The following EGF variants were observed in gnomAD, a reference collection of about 807,000 sequenced individuals.
EGF encodes pro-epidermal growth factor.
Under a neutral mutation model 143.8 loss-of-function variants are expected in EGF, and 95 were observed. That is an observed-to-expected ratio of 0.66 (90% CI 0.56 to 0.78). EGF has a LOEUF of 0.78. Ranked by LOEUF, EGF falls within the 30% of genes least tolerant of loss-of-function variation. The pLI, the probability that EGF is intolerant of heterozygous loss-of-function variation, is 0.00. For synonymous variants in EGF, 510 were observed against 510.5 expected (o/e 1.00, Z 0.01); for missense variants, 1,320 against 1,470.9 (o/e 0.90, Z 1.68).
chr4:109,957,065 A>AT (rs1166488012), intron 5 of EGF, among the ~76,000 whole-genome samples: 1 of 152,118 alleles, frequency 6.6e-6, no homozygotes, highest in Non-Finnish European at 1.5e-5. Context: ...GGTTATCTCA[A>AT]TGTACACTAG....
rs144899021 is a variant in EGF, at chr4:109,990,932, T to C, written c.2734+2223T>C. 1.7e-4 allele frequency among the ~76,000 whole-genome samples: 26 copies of C among 152,338 alleles called. No homozygotes were observed. The East Asian group carries it at 4.6e-3, about 27-fold the overall frequency. ...CTTACTTTCCTCTTGGTAGATGCTT[T>C]CTTCAAATACAGTCACTTTGGGAGT... is the stretch of plus-strand genomic sequence containing the variant. On this transcript the variant is annotated intron_variant, in intron 18 of 23. Coordinates refer to ENST00000265171, the MANE Select transcript of EGF (RefSeq NM_001963.6).
chr4:109,990,050 C>T (rs941279688), intron 18 of EGF, among the ~76,000 whole-genome samples: 1 of 152,146 alleles, frequency 6.6e-6, no homozygotes, highest in African/African-American at 2.4e-5. Flanking sequence ...CTTGGTCAAG[C>T]ATACTTCTTT....
At chr4:109,959,721 A>G (rs1745387412) in intron 6 of EGF, among the ~76,000 whole-genome samples, 1 of 152,202 alleles carries the variant, frequency 6.6e-6, no homozygotes, top group Non-Finnish European at 1.5e-5. Context: ...GGGATTCTCT[A>G]AGTGGATTCT....
intron 10 of EGF, among the ~76,000 whole-genome samples, chr4:109,964,880 TA>T (rs1371040733): frequency 6.6e-6 from 1 of 152,160 alleles, no homozygotes; most frequent in African/African-American, 2.4e-5. Flanking sequence ...GGTTTTTTAT[TA>T]CTTGCTGGTA....
At chr4:109,970,752 A>G (rs201966738) in intron 11 of EGF, among the ~76,000 whole-genome samples, 31 of 148,680 alleles carry the variant, frequency 2.1e-4, no homozygotes, top group Admixed American at 4.8e-4. Context: ...GTGAACCTGG[A>G]AGGCGGAGCT....
intron 8 of EGF, among the ~76,000 whole-genome samples, chr4:109,962,209 C>T (rs1745818617): frequency 6.6e-6 from 1 of 152,148 alleles, no homozygotes; most frequent in Non-Finnish European, 1.5e-5. Context: ...TGAGCAAGGG[C>T]TTTGAGGCTT....
intron 18 of EGF, 70 bp downstream of exon 18, chr4:109,988,779 A>C (rs749334600): frequency 8.7e-5 from 139 of 1,606,128 alleles, no homozygotes; most frequent in Non-Finnish European, 1.1e-4. Flanking sequence ...ATGTGGGTGC[A>C]TGAGCAGAGG....
chr4:109,935,027 A>G (rs1171256658), intron 1 of EGF, among the ~76,000 whole-genome samples: 1 of 151,790 alleles, frequency 6.6e-6, no homozygotes, highest in Non-Finnish European at 1.5e-5. Context: ...TTTGCTTAGG[A>G]TTTTCTTGGG....
chr4:109,948,555 C>G (rs980465138), intron 5 of EGF, among the ~76,000 whole-genome samples: 2 of 152,034 alleles, frequency 1.3e-5, no homozygotes, highest in Admixed American at 6.6e-5. Context: ...GCGATCTCGG[C>G]TCACTGCAAC....
intron 1 of EGF, among the ~76,000 whole-genome samples, chr4:109,935,789 T>C (rs1740672375): frequency 6.6e-6 from 1 of 152,216 alleles, no homozygotes; most frequent in Non-Finnish European, 1.5e-5. Flanking sequence ...GTTTTCTGCA[T>C]CTATTGAGAT....
chr4:109,959,920 A>G (rs1745414450), intron 6 of EGF, among the ~76,000 whole-genome samples: 1 of 152,230 alleles, frequency 6.6e-6, no homozygotes, highest in Non-Finnish European at 1.5e-5. Context: ...ATTCTGGACC[A>G]AGTGCAACGA....
At chr4:109,987,420 A>G (rs1256580171) in intron 16 of EGF, among the ~76,000 whole-genome samples, 1 of 151,924 alleles carries the variant, frequency 6.6e-6, no homozygotes. Context: ...CAGCCCCCCA[A>G]GTAGCTGGGA....
At chr4:109,944,115 T>C (rs10470911) in intron 4 of EGF, 46 bp downstream of exon 4, 32 of 1,559,736 alleles carry the variant, frequency 2.1e-5, no homozygotes, top group Non-Finnish European at 2.1e-5. Context: ...TCATTTGAAG[T>C]CCACAAGATA....
At chr4:109,997,302 G>C (rs556662196) in intron 20 of EGF, among the ~76,000 whole-genome samples, 2 of 152,196 alleles carry the variant, frequency 1.3e-5, no homozygotes, top group African/African-American at 4.8e-5. Flanking sequence ...AGTATAGGGA[G>C]GTTCAGAATC....
At chr4:109,925,361 G>T (rs2298981) in intron 1 of EGF, among the ~76,000 whole-genome samples, 1 of 152,066 alleles carries the variant, frequency 6.6e-6, no homozygotes, top group African/African-American at 2.4e-5. Context: ...ATATCACAGC[G>T]TATGGTTGTT....
At chr4:109,924,744 T>C (rs549389737) in intron 1 of EGF, among the ~76,000 whole-genome samples, 1 of 152,294 alleles carries the variant, frequency 6.6e-6, no homozygotes, top group South Asian at 2.1e-4. Flanking sequence ...GAAAGGGCAG[T>C]CTTGACACCT....
chr4:109,920,330 A>G (rs1417781175), intron 1 of EGF, among the ~76,000 whole-genome samples: 1 of 151,746 alleles, frequency 6.6e-6, no homozygotes, highest in Non-Finnish European at 1.5e-5. Context: ...CAAAACAATT[A>G]AAGACTCAAT....
chr4:109,993,559 A>G (rs1271261265), intron 19 of EGF, among the ~76,000 whole-genome samples, 190 bp downstream of exon 19: 1 of 152,120 alleles, frequency 6.6e-6, no homozygotes, highest in Non-Finnish European at 1.5e-5. Flanking sequence ...ATTTAATAGC[A>G]TCTGGAATAA....
rs1471826332 is a variant in EGF at position 110,008,307 on chromosome 4, T to G, written c.3370+77T>G. 3 of 1,516,568 alleles carry G rather than the reference T, an allele frequency of 2.0e-6. No homozygotes were observed. In the African/African-American group the frequency reaches 4.1e-5, roughly 21 times the overall value. The allele number at this position is 1,516,568 out of a possible 1,614,324, so 93.9% of individuals were successfully genotyped here. On this transcript the variant is annotated intron_variant, in intron 23 of 23. Transcript: ENST00000265171. The stretch of plus-strand genomic sequence containing the variant: ...GACTGTTTTTCAATGAAAAGTCTCA[T>G]TTAACCACACACACACACACAAACA...
Sources: gnomAD v4.1 joint callset for allele counts (sites outside exome capture counted in the v4.1 genomes callset) on GRCh38, gnomAD v4.1.1 for gene constraint, MANE v1.5 for transcripts, NCBI Gene and HGNC (gene_info 2026-07-23, HGNC 2026-07-21) for gene names.